The following PPFIBP2 variants were observed in gnomAD, a reference collection of about 807,000 sequenced individuals.
PPFIBP2 encodes liprin-beta-2.
A neutral mutation model predicts 118.3 loss-of-function variants in PPFIBP2; 118 were observed. That is an observed-to-expected ratio of 1.00 (90% CI 0.86 to 1.16). PPFIBP2 has a LOEUF of 1.16. PPFIBP2 is among the 50% of genes most tolerant of loss of function. PPFIBP2 has a pLI of 0.00. For missense variants in PPFIBP2, 1,195 were observed against 1,073.1 expected, an observed-to-expected ratio of 1.11 and a Z score of -1.59; for synonymous variants, 414 against 397.4, an observed-to-expected ratio of 1.04 and a Z score of -0.50.
intron 6 of PPFIBP2, among the ~76,000 whole-genome samples, chr11:7,618,184 C>T (rs986359933): frequency 6.6e-6 from 1 of 152,122 alleles, no homozygotes. Flanking sequence ...TTTCCTGCTG[C>T]ATTAAAGGAC....
intron 18 of PPFIBP2, 83 bp from the exon 19 acceptor site, chr11:7,648,717 G>T (rs1853517358): frequency 1.4e-6 from 2 of 1,459,976 alleles, no homozygotes; most frequent in South Asian, 2.3e-5. Flanking sequence ...CATACTCAGA[G>T]CATCTCCACC....
intron 9 of PPFIBP2, 52 bp from the exon 10 acceptor site, chr11:7,629,407 A>T (rs1332054202): frequency 6.4e-7 from 1 of 1,556,550 alleles, no homozygotes; most frequent in Non-Finnish European, 8.9e-7. Context: ...AAATGAAATC[A>T]TCTGAGATGC....
intron 1 of PPFIBP2, among the ~76,000 whole-genome samples, chr11:7,548,706 A>G (rs940946141): frequency 1.3e-5 from 2 of 152,162 alleles, no homozygotes; most frequent in Middle Eastern, 3.2e-3. Flanking sequence ...TGCTATAGCT[A>G]GGGGATACAG....
chr11:7,529,818 G>A (rs1468758418), intron 1 of PPFIBP2, among the ~76,000 whole-genome samples: 1 of 152,266 alleles, frequency 6.6e-6, no homozygotes, highest in Non-Finnish European at 1.5e-5. Flanking sequence ...GAATGGCTGA[G>A]GAAGGAACCG....
At chr11:7,606,334 T>C (rs1847336219) in intron 5 of PPFIBP2, among the ~76,000 whole-genome samples, 1 of 152,170 alleles carries the variant, frequency 6.6e-6, no homozygotes, top group Admixed American at 6.5e-5. Flanking sequence ...TAACTCCTAT[T>C]AAAGCACACA....
At position 7,546,535 on chromosome 11, in the gene PPFIBP2, A is replaced by T. The variant is rs1363370356; in HGVS notation, c.-36-2905A>T. On this transcript the variant is annotated intron_variant, in intron 1 of 23. Transcript: ENST00000299492. ...GGGTTTGACACCCTGTCATGTTTAC[A>T]TCTGAGGCCACCTGATTTGTTAGGC... Among the ~76,000 whole-genome samples the T allele has an allele frequency of 3.3e-5, 5 of 152,298 alleles. No homozygotes were observed. In the East Asian group the frequency reaches 9.7e-4, roughly 29 times the overall value.
intron 14 of PPFIBP2, among the ~76,000 whole-genome samples, chr11:7,638,457 G>A (rs1014634147): frequency 1.3e-5 from 2 of 152,296 alleles, no homozygotes; most frequent in African/African-American, 2.4e-5. Flanking sequence ...TTTATGGGGA[G>A]TTAATAGTCA....
At chr11:7,665,720 C>T in the PPFIBP2 span, 1 of 1,173,348 alleles carries the variant, frequency 8.5e-7, no homozygotes, top group East Asian at 2.6e-5. Flanking sequence ...AAACAGCCCT[C>T]TGCAGCAATC....
intron 2 of PPFIBP2, among the ~76,000 whole-genome samples, chr11:7,553,206 T>A (rs1853192186): frequency 6.7e-6 from 1 of 150,152 alleles, no homozygotes; most frequent in Non-Finnish European, 1.5e-5. Flanking sequence ...TCACTGATTC[T>A]TTTGGAATAA....
chr11:7,567,594 T>C (rs1855147989), intron 3 of PPFIBP2, among the ~76,000 whole-genome samples: 1 of 152,212 alleles, frequency 6.6e-6, no homozygotes. Flanking sequence ...GGGCTGCATG[T>C]TAAGGTTTTT....
Position 7,519,196 on chromosome 11 carries a change from G to A in PPFIBP2, c.-37+5075G>A, listed in dbSNP as rs140150449. On this transcript the variant is annotated intron_variant, in intron 1 of 23. Transcript: ENST00000299492. The stretch of plus-strand genomic sequence containing the variant: ...CTGAGAAGATAAAGAGGAGGCTTGC[G>A]GGGTTAAAGAAGATGGTTGAGAGGG... Among the ~76,000 whole-genome samples, 698 of 152,220 alleles carry A rather than the reference G, an allele frequency of 4.6e-3. 7 individuals carry two copies. Among genetic ancestry groups the A allele is most frequent in the Middle Eastern group, 6.8e-3 (2 of 294 alleles).
chr11:7,565,494 A>G, intron 2 of PPFIBP2, 59 bp from the exon 3 acceptor site: 1 of 1,560,416 alleles, frequency 6.4e-7, no homozygotes, highest in South Asian at 1.1e-5. Flanking sequence ...GCTCTTTACT[A>G]GTACCTTGCT....
chr11:7,650,995 C>G lies in PPFIBP2; in HGVS notation c.2247+30C>G, dbSNP rs757538716. 2.0e-5 allele frequency: 32 copies of G among 1,603,798 alleles called. 2 individuals are homozygous for G. In the South Asian group the frequency reaches 2.6e-4, roughly 13 times the overall value. ...GTGGCTCTCTGGCCTAGCCCACCTG[C>G]CTTGGTGCAAATGGGATATTCAGAA... is the stretch of plus-strand genomic sequence containing the variant. On this transcript the variant is annotated intron_variant, in intron 22 of 23. Transcript: ENST00000299492.
Position 7,639,751 on chromosome 11 carries a change from A to G in PPFIBP2, c.1256A>G (p.Glu419Gly), listed in dbSNP as rs755116688. The G allele has an allele frequency of 1.2e-6, 2 of 1,613,938 alleles. No homozygotes were observed. The highest frequency in any genetic ancestry group is 2.7e-5 in the African/African-American group (2 of 74,900). Residue 419 changes from glutamate (E) to glycine (G), a missense_variant, in exon 15 of 24, where the codon GAG (glutamate) becomes GGG (glycine). Glu to Gly is a moderately conservative substitution (Grantham distance 98). Transcript: ENST00000299492. ...LEPKDSPFLAEHKYPTLPGKL... is the reference protein window; with the variant it reads ...LEPKDSPFLAGHKYPTLPGKL... ...CAATAGGACAGCCCTTTCTTGGCGGAGCACAAATATCCCACTTTACCTGGG... is the reference window on the plus strand; with the variant it reads ...CAATAGGACAGCCCTTTCTTGGCGGGGCACAAATATCCCACTTTACCTGGG...
At chr11:7,661,906 CTTCT>C (rs1242396484), downstream of PPFIBP2, among the ~76,000 whole-genome samples, 6 of 126,402 alleles carry the variant, frequency 4.7e-5, no homozygotes, top group South Asian at 2.7e-4. Flanking sequence ...ATGTAATGGC[CTTCT>C]TTGTCTCTTT....
Position 7,594,872 on chromosome 11 carries a change from G to A in PPFIBP2, c.372+1648G>A, listed in dbSNP as rs140854511. Among the ~76,000 whole-genome samples the A allele has an allele frequency of 5.1e-3, 706 of 137,242 alleles. 7 individuals are homozygous for A. The highest frequency in any genetic ancestry group is 0.018 in the African/African-American group (646 of 35,796). 90.0% of individuals were successfully genotyped at this position (137,242 alleles called of 152,430 possible). A position where few individuals can be genotyped will look rare whatever the true frequency, so the allele number is the denominator to read the frequency against. ...GTGGAGGTTGCAGTGAGCCAACATC[G>A]CATCACTGTGCTCCAGCCTGGGCAA... On this transcript the variant is annotated intron_variant, in intron 4 of 23. Transcript: ENST00000299492.
intron 22 of PPFIBP2, chr11:7,651,251 G>C (rs1452755912): frequency 2.9e-6 from 1 of 344,408 alleles, no homozygotes; most frequent in Non-Finnish European, 5.2e-6. Context: ...GGAACAGCAG[G>C]GCTGAGGAAG....
chr11:7,641,695 C>A, intron 16 of PPFIBP2, 75 bp downstream of exon 16: 2 of 1,440,560 alleles, frequency 1.4e-6, no homozygotes, highest in African/African-American at 1.4e-5. Flanking sequence ...TCTATGTAAG[C>A]CCCTGGTCCA....
At chr11:7,563,139 A>G (rs1022127095) in intron 2 of PPFIBP2, among the ~76,000 whole-genome samples, 1 of 151,856 alleles carries the variant, frequency 6.6e-6, no homozygotes, top group African/African-American at 2.4e-5. Context: ...ACAGTGATAT[A>G]AAGTTAATGA....
Sources: allele counts gnomAD v4.1 joint callset (sites outside exome capture counted in the v4.1 genomes callset), GRCh38; gene constraint gnomAD v4.1.1; transcripts MANE v1.5; gene names NCBI Gene and HGNC (gene_info 2026-07-23, HGNC 2026-07-21).